The following ASPH variants were observed in gnomAD, a reference collection of about 807,000 sequenced individuals.
ASPH encodes the protein aspartyl/asparaginyl beta-hydroxylase.
Under a neutral mutation model 118.4 loss-of-function variants are expected in ASPH, and 100 were observed. The ratio of observed to expected loss-of-function variants is 0.84; its 90% CI spans 0.72 to 1.00. The LOEUF is 1.00. Among genes scored for constraint, ASPH ranks in the 50% least tolerant of loss-of-function variants. The pLI, the probability that ASPH is intolerant of heterozygous loss-of-function variation, is 0.00. For synonymous variants in ASPH, 315 were observed against 325.6 expected, an observed-to-expected ratio of 0.97 and a Z score of 0.35; for missense variants, 920 against 919.5, an observed-to-expected ratio of 1.00 and a Z score of -0.01.
intron 9 of ASPH, 92 bp downstream of exon 9, chr8:61,643,294 G>T: frequency 8.0e-7 from 1 of 1,257,040 alleles, no homozygotes; most frequent in Non-Finnish European, 1.1e-6. Flanking sequence ...CTTCTTTGAT[G>T]CCTTTAAAAG....
chr8:61,594,312 T>C (rs180825141), intron 14 of ASPH, among the ~76,000 whole-genome samples: 226 of 152,374 alleles, frequency 1.5e-3, no homozygotes, highest in African/African-American at 5.1e-3. Flanking sequence ...GCTTAAATGA[T>C]GCTTAAAGTT....
chr8:61,626,354 T>A, intron 13 of ASPH: 1 of 1,366,570 alleles, frequency 7.3e-7, no homozygotes, highest in Non-Finnish European at 9.5e-7. Context: ...ATTTTCATTC[T>A]ACTTTTTAAA....
intron 22 of ASPH, among the ~76,000 whole-genome samples, chr8:61,522,713 T>C (rs527957358): frequency 8.5e-5 from 13 of 152,158 alleles, no homozygotes; most frequent in Admixed American, 5.9e-4. Context: ...GATTGTAAGT[T>C]TCCTGAGGCC....
chr8:61,596,410 G>T (rs921082303), intron 14 of ASPH, among the ~76,000 whole-genome samples: 2 of 152,206 alleles, frequency 1.3e-5, no homozygotes, highest in African/African-American at 4.8e-5. Flanking sequence ...GGACCTGCCT[G>T]CCCACTGCAG....
intron 24 of ASPH, among the ~76,000 whole-genome samples, chr8:61,514,411 T>A (rs1421487221): frequency 6.6e-6 from 1 of 151,946 alleles, no homozygotes; most frequent in Non-Finnish European, 1.5e-5. Flanking sequence ...TCCTGGGCAA[T>A]TTTTTAAAAG....
chr8:61,519,385 A>T (rs540831508), intron 22 of ASPH, among the ~76,000 whole-genome samples: 2 of 152,326 alleles, frequency 1.3e-5, no homozygotes, highest in Non-Finnish European at 2.9e-5. Context: ...TCTCAAAAAA[A>T]TTTCCAATAT....
At chr8:61,655,586 A>T (rs1171917549) in intron 3 of ASPH, among the ~76,000 whole-genome samples, 1 of 152,200 alleles carries the variant, frequency 6.6e-6, no homozygotes, top group African/African-American at 2.4e-5. Context: ...TGAGTTTTGA[A>T]GTTTCATTTG....
At chr8:61,638,044 G>T in intron 11 of ASPH, 41 bp from the exon 12 acceptor site, 1 of 1,554,790 alleles carries the variant, frequency 6.4e-7, no homozygotes, top group South Asian at 1.2e-5. Context: ...ACATGTTGCT[G>T]ACCAGTGACA....
chr8:61,621,111 G>A (rs1480693331), intron 13 of ASPH, among the ~76,000 whole-genome samples: 1 of 152,126 alleles, frequency 6.6e-6, no homozygotes, highest in Non-Finnish European at 1.5e-5. Context: ...TCTAAAAGGG[G>A]GTTGGCAGTC....
chr8:61,509,018 C>T (rs1563632057), intron 24 of ASPH, among the ~76,000 whole-genome samples: 1 of 152,168 alleles, frequency 6.6e-6, no homozygotes, highest in Non-Finnish European at 1.5e-5. Flanking sequence ...CTTCTTCTCT[C>T]TCTCCCCTTC....
Position 61,714,577 on chromosome 8 carries a change from G to T in ASPH, c.-206C>A. 1.4e-6 allele frequency: 1 copy of T among 699,226 alleles called. No homozygotes were observed. Among genetic ancestry groups the T allele is most frequent in the Non-Finnish European group, 2.0e-6 (1 of 494,528 alleles). The allele number at this position is 699,226 out of a possible 1,614,324, so 43.3% of individuals were successfully genotyped here. ...CGGCTGCGCGCGCCCGGCCTCGCGT[G>T]TACGAACCTGTGACTCCCTCCCGGG... On this transcript the variant is annotated 5_prime_UTR_variant, in exon 1 of 25. Coordinates refer to ENST00000379454, the MANE Select transcript of ASPH (RefSeq NM_004318.4).
At chr8:61,711,416 T>C (rs902318092) in intron 1 of ASPH, among the ~76,000 whole-genome samples, 1 of 152,196 alleles carries the variant, frequency 6.6e-6, no homozygotes, top group African/African-American at 2.4e-5. Flanking sequence ...TCCAGTTCTA[T>C]ATGCAAAATA....
chr8:61,643,837 C>T, intron 8 of ASPH, 108 bp downstream of exon 8: 1 of 830,450 alleles, frequency 1.2e-6, no homozygotes, highest in South Asian at 1.5e-5. Context: ...TTATAAATAC[C>T]ATACAGGGAT....
intron 1 of ASPH, among the ~76,000 whole-genome samples, chr8:61,697,663 T>G (rs893619954): frequency 2.0e-5 from 3 of 152,212 alleles, no homozygotes; most frequent in African/African-American, 7.2e-5. Flanking sequence ...TACTAGTTGA[T>G]TATAAAGGAT....
At chr8:61,565,004 G>T (rs1405277323) in intron 17 of ASPH, among the ~76,000 whole-genome samples, 1 of 152,184 alleles carries the variant, frequency 6.6e-6, no homozygotes, top group Non-Finnish European at 1.5e-5. Flanking sequence ...GAAGAGAATT[G>T]TAAGCCTGGT....
At chr8:61,628,783 A>G (rs1316957566) in intron 13 of ASPH, among the ~76,000 whole-genome samples, 1 of 152,156 alleles carries the variant, frequency 6.6e-6, no homozygotes, top group African/African-American at 2.4e-5. Flanking sequence ...TTACTCCACC[A>G]TGTACCCACA....
intron 24 of ASPH, among the ~76,000 whole-genome samples, chr8:61,511,519 G>A (rs1330159799): frequency 6.6e-6 from 1 of 152,188 alleles, no homozygotes; most frequent in East Asian, 1.9e-4. Context: ...GCCACCTCCT[G>A]AGTATAATAA....
rs777261342 is a variant in ASPH at position 61,643,944 on chromosome 8, C to A, written c.709+1G>T. 2 of 1,610,174 alleles carry A rather than the reference C, an allele frequency of 1.2e-6. No individual in the cohort carries two copies. Among genetic ancestry groups the A allele is most frequent in the Non-Finnish European group, 1.7e-6 (2 of 1,176,982 alleles). ...TATCAATAATTTTAACATTTACAAA[C>A]CTGGATTTTCCTGCTCAGACATCAT... is the stretch of plus-strand genomic sequence containing the variant. On this transcript the variant is annotated splice_donor_variant, in intron 8 of 24. Coordinates refer to ENST00000379454, the MANE Select transcript of ASPH (RefSeq NM_004318.4). LOFTEE classifies it high-confidence loss of function.
intron 21 of ASPH, among the ~76,000 whole-genome samples, chr8:61,545,290 T>C (rs1371396677): frequency 1.3e-5 from 2 of 152,216 alleles, no homozygotes; most frequent in Non-Finnish European, 2.9e-5. Context: ...AAGCACCATC[T>C]ACAAACCAGG....
Sources: gnomAD v4.1 joint callset for allele counts (sites outside exome capture counted in the v4.1 genomes callset) on GRCh38, gnomAD v4.1.1 for gene constraint, MANE v1.5 for transcripts, NCBI Gene and HGNC (gene_info 2026-07-23, HGNC 2026-07-21) for gene names.